The following ARHGEF10L variants were observed in gnomAD, a reference collection of about 807,000 sequenced individuals.
The protein encoded by ARHGEF10L is Rho guanine nucleotide exchange factor 10 like.
Under a neutral mutation model 141.2 loss-of-function variants are expected in ARHGEF10L, and 69 were observed. The ratio of observed to expected loss-of-function variants is 0.49; its 90% CI spans 0.40 to 0.60. The LOEUF is 0.60. ARHGEF10L is among the 20% of genes least tolerant of loss of function. The pLI, the probability that ARHGEF10L is intolerant of heterozygous loss-of-function variation, is 0.00. For missense variants in ARHGEF10L, 1,482 were observed against 1,734.3 expected, an observed-to-expected ratio of 0.85 and a Z score of 2.58; for synonymous variants, 711 against 718.5, an observed-to-expected ratio of 0.99 and a Z score of 0.17.
In ARHGEF10L at chr1:17,696,995, C is replaced by T. The variant is rs1367259982; in HGVS notation, c.3455C>T (p.Ala1152Val). The change falls in exon 29 of 29, where the codon GCA (alanine) becomes GTA (valine). Residue 1152 changes from alanine to valine, a missense_variant. Around this residue, in one of 3 missense-constraint regions of ARHGEF10L, gnomAD observed 858 missense variants for 966.3 expected, o/e 0.89. Transcript: ENST00000361221. ...GAGGAGGACAAGCCAGACGGGCAGG[C>T]ACACGAGCCCATGCCCGATAGCCAC... ...RAEEDKPDGQ[A>V]HEPMPDSHVG... 1 of 1,609,552 alleles carries T rather than the reference C, an allele frequency of 6.2e-7. No individual in the cohort carries two copies.
chr1:17,658,528 G>C (rs1056224711), intron 25 of ARHGEF10L, among the ~76,000 whole-genome samples: 3 of 152,162 alleles, frequency 2.0e-5, no homozygotes, highest in African/African-American at 7.2e-5. Flanking sequence ...ATGTGAGGGG[G>C]CTTTGGCTTG....
chr1:17,585,548 T>A (rs2078956271), intron 2 of ARHGEF10L, among the ~76,000 whole-genome samples: 4 of 152,136 alleles, frequency 2.6e-5, no homozygotes, highest in Admixed American at 2.6e-4. Flanking sequence ...TGTCTCCTCC[T>A]CCGTGGCCTC....
At position 17,634,581 on chromosome 1, in the gene ARHGEF10L, T is replaced by A; in HGVS notation, c.1745+19T>A. 6.2e-7 allele frequency: 1 copy of A among 1,613,494 alleles called. No homozygotes were observed. The highest frequency in any genetic ancestry group is 8.5e-7 in the Non-Finnish European group (1 of 1,179,662). On this transcript the variant is annotated intron_variant, in intron 17 of 28. Coordinates refer to ENST00000361221, the MANE Select transcript of ARHGEF10L (RefSeq NM_018125.4). ...ACCACAGGTACGTGGTTCAGGGGGCTCCGGGGCTCTGGGGCTCTGGGGCTC... is the reference window on the plus strand; with the variant it reads ...ACCACAGGTACGTGGTTCAGGGGGCACCGGGGCTCTGGGGCTCTGGGGCTC...
Position 17,648,733 on chromosome 1 carries a change from C to A in ARHGEF10L, c.2394+58C>A, listed in dbSNP as rs200904425. ...GAAGGTGGCTGCGGCTCCCCCTCGCCTGGGAGAACCAGAGTTTCCAGGGAG... is the reference window on the plus strand; with the variant it reads ...GAAGGTGGCTGCGGCTCCCCCTCGCATGGGAGAACCAGAGTTTCCAGGGAG... On this transcript the variant is annotated intron_variant, in intron 22 of 28. Transcript: ENST00000361221. 84 of 1,586,180 alleles carry A rather than the reference C, an allele frequency of 5.3e-5. No homozygotes were observed. The Admixed American group carries it at 8.4e-4, about 16-fold the overall frequency.
intron 7 of ARHGEF10L, among the ~76,000 whole-genome samples, chr1:17,612,709 G>A (rs2059611395): frequency 6.6e-6 from 1 of 152,206 alleles, no homozygotes; most frequent in Non-Finnish European, 1.5e-5. Flanking sequence ...ACAGGGCCGG[G>A]GAGAAGACAC....
rs2080533714 is a variant in ARHGEF10L, at chr1:17,600,408, G to GT, written c.258-1712dup. On this transcript the variant is annotated intron_variant, in intron 4 of 28. Coordinates refer to ENST00000361221, the MANE Select transcript of ARHGEF10L (RefSeq NM_018125.4). Reference sequence around the variant, plus strand: ...ATAAGTGGTCTTTGGTCTTTGTTTTGTTTTTTTGAACCTGGACTTCAAAAA... The same window carrying GT: ...ATAAGTGGTCTTTGGTCTTTGTTTTGTTTTTTTTGAACCTGGACTTCAAAAA... 2.0e-5 allele frequency among the ~76,000 whole-genome samples: 3 copies of GT among 152,140 alleles called. No individual in the cohort carries two copies. In the South Asian group the frequency reaches 6.2e-4, roughly 32 times the overall value.
At chr1:17,527,192 C>T in the ARHGEF10L span, among the ~76,000 whole-genome samples, 1 of 152,182 alleles carries the variant, frequency 6.6e-6, no homozygotes, top group Admixed American at 6.5e-5. Context: ...GGGCTCTGAT[C>T]AGGGAATGCA....
At chr1:17,560,165 T>G (rs950313772) in intron 1 of ARHGEF10L, among the ~76,000 whole-genome samples, 6 of 152,028 alleles carry the variant, frequency 3.9e-5, no homozygotes, top group Admixed American at 3.9e-4. Flanking sequence ...GCCAGGTGAT[T>G]GTACTGAATT....
chr1:17,651,218 C>CT (rs778728124), intron 22 of ARHGEF10L, among the ~76,000 whole-genome samples: 2 of 152,226 alleles, frequency 1.3e-5, no homozygotes, highest in African/African-American at 2.4e-5. Flanking sequence ...GTGCCCCAGT[C>CT]TATCACCCTA....
chr1:17,647,576 G>A (rs796819553), intron 21 of ARHGEF10L, among the ~76,000 whole-genome samples: 1 of 152,272 alleles, frequency 6.6e-6, no homozygotes, highest in African/African-American at 2.4e-5. Context: ...CCGAGCACTC[G>A]CTATGTGCCT....
chr1:17,681,524 G>A (rs2064126766), intron 26 of ARHGEF10L, among the ~76,000 whole-genome samples: 1 of 152,124 alleles, frequency 6.6e-6, no homozygotes, highest in South Asian at 2.1e-4. Flanking sequence ...TATTGACTTT[G>A]TTGACAAGTC....
rs941330291 is a variant in ARHGEF10L at position 17,621,144 on chromosome 1, G to A, written c.943-720G>A. Among the ~76,000 whole-genome samples, 1 of 152,316 alleles carries A rather than the reference G, an allele frequency of 6.6e-6. No individual in the cohort carries two copies. The highest frequency in any genetic ancestry group is 1.5e-5 in the Non-Finnish European group (1 of 68,032). ...TCGTGTGGGGGGACGGTACCCCAAG[G>A]CCTGTCTTGTGGAAGAGGGATAGCT... On this transcript the variant is annotated intron_variant, in intron 10 of 28. Transcript: ENST00000361221. The surrounding 1 kb of genome is among the most constrained non-coding windows in gnomAD (Gnocchi z 4.1).
upstream of ARHGEF10L, among the ~76,000 whole-genome samples, chr1:17,539,565 CG>C (rs1004163572): frequency 6.6e-6 from 1 of 151,698 alleles, no homozygotes; most frequent in African/African-American, 2.4e-5. This position sits in a 1 kb window ranked among gnomAD's most constrained non-coding sequence, Gnocchi z 6.0. Flanking sequence ...CGCAGCGGGT[CG>C]GGGGAGGCCA....
intron 5 of ARHGEF10L, 138 bp downstream of exon 5, chr1:17,602,356 G>A: frequency 1.0e-6 from 1 of 979,704 alleles, no homozygotes; most frequent in Admixed American, 2.6e-5. Flanking sequence ...TGGCCCTGGA[G>A]GACCAACCAC....
Position 17,673,994 on chromosome 1 carries a change from T to A in ARHGEF10L, c.3009+9399T>A, listed in dbSNP as rs761403947. ...GAAGCCCCCACCTGGTCTGCCGTCCTCTGCCCCATCAGCCCCGTGTTCCAT... is the reference window on the plus strand; with the variant it reads ...GAAGCCCCCACCTGGTCTGCCGTCCACTGCCCCATCAGCCCCGTGTTCCAT... On this transcript the variant is annotated intron_variant, in intron 26 of 28. Transcript: ENST00000361221. This position sits in a 1 kb window ranked among gnomAD's most constrained non-coding sequence, Gnocchi z 4.1. Among the ~76,000 whole-genome samples the A allele has an allele frequency of 1.3e-5, 2 of 152,162 alleles. No individual in the cohort carries two copies. The highest frequency in any genetic ancestry group is 2.9e-5 in the Non-Finnish European group (2 of 68,022).
At chr1:17,597,791 C>T (rs758627438) in intron 4 of ARHGEF10L, among the ~76,000 whole-genome samples, 14 of 152,312 alleles carry the variant, frequency 9.2e-5, no homozygotes, top group East Asian at 1.9e-4. Context: ...CTGGGCTGGT[C>T]GCTCACTGGG....
At chr1:17,694,739 G>A (rs557457557) in intron 27 of ARHGEF10L, 18 of 362,192 alleles carry the variant, frequency 5.0e-5, no homozygotes, top group African/African-American at 8.5e-5. Flanking sequence ...CACCAACACC[G>A]ATGAGAAGCT....
chr1:17,645,998 A>C (rs1489532650), intron 21 of ARHGEF10L, among the ~76,000 whole-genome samples: 1 of 152,156 alleles, frequency 6.6e-6, no homozygotes, highest in Non-Finnish European at 1.5e-5. Context: ...GGCAGGGATC[A>C]GGTCTTACAT....
At chr1:17,640,710 A>G (rs1245179129) in intron 21 of ARHGEF10L, among the ~76,000 whole-genome samples, 5 of 152,210 alleles carry the variant, frequency 3.3e-5, no homozygotes, top group African/African-American at 9.7e-5. Context: ...TGGCGTGTGC[A>G]CTTTAAAAGG....
Sources: allele counts gnomAD v4.1 joint callset (sites outside exome capture counted in the v4.1 genomes callset), GRCh38; gene constraint gnomAD v4.1.1; regional missense constraint gnomAD v4.1.1; non-coding constraint Gnocchi (gnomAD v3.1); transcripts MANE v1.5; gene names NCBI Gene and HGNC (gene_info 2026-07-23, HGNC 2026-07-21).